Variants in ADGRE2 observed in about 807,000 individuals in gnomAD.
The protein encoded by ADGRE2 is CD97 antigen.
Under a neutral mutation model 100.8 loss-of-function variants are expected in ADGRE2, and 83 were observed. The observed-to-expected ratio is 0.82, with a 90% confidence interval of 0.69 to 0.99. The LOEUF is 0.99. Ranked by LOEUF, ADGRE2 falls within the 50% of genes least tolerant of loss-of-function variation. The pLI is 0.00. For synonymous variants in ADGRE2, 355 were observed against 413.0 expected (o/e 0.86, Z 1.70); for missense variants, 814 against 1,035.7 (o/e 0.79, Z 2.94).
At chr19:14,726,765 A>C in the ADGRE2 span, among the ~76,000 whole-genome samples, 4 of 152,108 alleles carry the variant, frequency 2.6e-5, no homozygotes, top group Non-Finnish European at 5.9e-5. Flanking sequence ...TAAGTTCCTC[A>C]TCTGAGACCT....
intron 16 of ADGRE2, among the ~76,000 whole-genome samples, chr19:14,749,373 G>T: frequency 7.1e-6 from 1 of 141,350 alleles, no homozygotes; most frequent in Admixed American, 7.2e-5. Context: ...AATTTAATGT[G>T]ATCATATTAT....
At chr19:14,769,829 C>T (rs543252470) in intron 5 of ADGRE2, among the ~76,000 whole-genome samples, 5 of 152,252 alleles carry the variant, frequency 3.3e-5, no homozygotes, top group Admixed American at 2.6e-4. Context: ...CTCTGATTAG[C>T]TGGGACTACA....
At chr19:14,751,925 A>G (rs1394741258) in intron 15 of ADGRE2, among the ~76,000 whole-genome samples, 1 of 62,426 alleles carries the variant, frequency 1.6e-5, no homozygotes, top group African/African-American at 8.4e-5. Context: ...ATATATATAT[A>G]TATATATTTT....
chr19:14,766,943 C>T (rs372785034), intron 6 of ADGRE2, 35 bp downstream of exon 6: 22 of 1,572,702 alleles, frequency 1.4e-5, no homozygotes, highest in African/African-American at 9.7e-5. Context: ...CCCCAGCTCC[C>T]GTCCAGCCTC....
intron 2 of ADGRE2, among the ~76,000 whole-genome samples, chr19:14,775,433 G>A (rs2044399497): frequency 6.6e-6 from 1 of 152,140 alleles, no homozygotes; most frequent in Non-Finnish European, 1.5e-5. Context: ...CTTGGGGGTG[G>A]GGTTTAAGGA....
Position 14,736,080 on chromosome 19 carries a change from A to G in ADGRE2, c.*156T>C. ...GATTTCCGGTTTCTGCAGGAATTGA[A>G]TGCCTAGCACGCCTTCCATAACATC... On this transcript the variant is annotated 3_prime_UTR_variant, in exon 21 of 21. Coordinates refer to ENST00000315576, the MANE Select transcript of ADGRE2 (RefSeq NM_013447.4). The G allele has an allele frequency of 1.5e-6, 1 of 684,630 alleles. No individual in the cohort carries two copies. Among genetic ancestry groups the G allele is most frequent in the Non-Finnish European group, 2.5e-6 (1 of 393,438 alleles). 42.4% of individuals were successfully genotyped at this position (684,630 alleles called of 1,614,324 possible). A position where few individuals can be genotyped will look rare whatever the true frequency, so the allele number is the denominator to read the frequency against.
intron 1 of ADGRE2, 77 bp from the exon 2 acceptor site, chr19:14,777,004 A>ACACACACACC: frequency 7.3e-7 from 1 of 1,368,194 alleles, no homozygotes; most frequent in Non-Finnish European, 9.4e-7. Flanking sequence ...ACACACACAC[A>ACACACACACC]CACACACACA....
At chr19:14,770,102 C>T (rs903917712) in intron 5 of ADGRE2, among the ~76,000 whole-genome samples, 5 of 152,118 alleles carry the variant, frequency 3.3e-5, no homozygotes, top group South Asian at 2.1e-4. Flanking sequence ...CCAAATCTCA[C>T]GTTGAAATGT....
intron 5 of ADGRE2, among the ~76,000 whole-genome samples, chr19:14,767,708 A>G (rs1189955083): frequency 6.6e-6 from 1 of 152,140 alleles, no homozygotes; most frequent in African/African-American, 2.4e-5. Flanking sequence ...ATTCAGGACA[A>G]AGGTCAGGGT....
intron 11 of ADGRE2, among the ~76,000 whole-genome samples, chr19:14,758,919 C>A (rs2043600221): frequency 6.8e-6 from 1 of 148,100 alleles, no homozygotes; most frequent in African/African-American, 2.5e-5. Context: ...ATAACTCCCT[C>A]TCCTGCAGAG....
At chr19:14,759,512 T>A (rs2043634037) in intron 11 of ADGRE2, among the ~76,000 whole-genome samples, 1 of 149,254 alleles carries the variant, frequency 6.7e-6, no homozygotes, top group East Asian at 1.9e-4. Flanking sequence ...TATTTTTTTT[T>A]TTTAGACGGA....
chr19:14,751,892 TAC>T (rs149318162), intron 15 of ADGRE2, among the ~76,000 whole-genome samples: 3,179 of 139,480 alleles, frequency 0.023, 43 homozygotes, highest in Middle Eastern at 0.048. Flanking sequence ...TATATACGTA[TAC>T]ACACACACAC....
intron 5 of ADGRE2, among the ~76,000 whole-genome samples, chr19:14,768,433 G>T (rs1218802369): frequency 1.3e-5 from 2 of 152,224 alleles, no homozygotes; most frequent in Non-Finnish European, 2.9e-5. Context: ...CTGGGTGAAG[G>T]TTTAGTGGCT....
chr19:14,759,503 A>ATATATATATATATATATATATATTT (rs60789454), intron 11 of ADGRE2, among the ~76,000 whole-genome samples: 3 of 133,366 alleles, frequency 2.2e-5, no homozygotes, highest in African/African-American at 8.9e-5. Context: ...ATATATATAT[A>ATATATATATATATATATATATATTT]TTTTTTTTTT....
intron 5 of ADGRE2, among the ~76,000 whole-genome samples, chr19:14,770,562 A>T (rs530078811): frequency 2.0e-5 from 3 of 152,092 alleles, no homozygotes; most frequent in Non-Finnish European, 4.4e-5. Flanking sequence ...TGCCCAGCCA[A>T]GGCGGTGAGC....
intron 20 of ADGRE2, among the ~76,000 whole-genome samples, chr19:14,738,177 T>C (rs934157453): frequency 6.6e-6 from 1 of 152,184 alleles, no homozygotes; most frequent in African/African-American, 2.4e-5. Flanking sequence ...CTAGAAACTA[T>C]GTACGTCTAT....
At chr19:14,764,349 G>T (rs2043868236) in intron 11 of ADGRE2, 84 bp downstream of exon 11, 4 of 1,259,882 alleles carry the variant, frequency 3.2e-6, no homozygotes, top group Admixed American at 1.8e-5. Context: ...ATACAGGTGT[G>T]GTCACTTGGC....
Position 14,748,036 on chromosome 19 carries a change from T to C in ADGRE2, c.2025-1074A>G, listed in dbSNP as rs550430705. On this transcript the variant is annotated intron_variant, in intron 16 of 20. Coordinates refer to ENST00000315576, the MANE Select transcript of ADGRE2 (RefSeq NM_013447.4). Reference sequence around the variant, plus strand: ...TTGTAGGTTTGTTATGTAGGTAAAATGCATGTTGCGGCGGTTTGGTGTACA... The same window carrying C: ...TTGTAGGTTTGTTATGTAGGTAAAACGCATGTTGCGGCGGTTTGGTGTACA... Among the ~76,000 whole-genome samples the C allele has an allele frequency of 5.3e-4, 81 of 152,288 alleles. 2 individuals are homozygous for C. The South Asian group carries it at 0.016, about 31-fold the overall frequency.
chr19:14,725,955 G>A, the ADGRE2 span, among the ~76,000 whole-genome samples: 4 of 152,116 alleles, frequency 2.6e-5, no homozygotes, highest in Non-Finnish European at 5.9e-5. Flanking sequence ...GTGGGGGTAC[G>A]GGGGAATCCA....
Sources: allele counts gnomAD v4.1 joint callset (sites outside exome capture counted in the v4.1 genomes callset), GRCh38; gene constraint gnomAD v4.1.1; transcripts MANE v1.5; gene names NCBI Gene and HGNC (gene_info 2026-07-23, HGNC 2026-07-21).